RORA: variants seen among roughly 807,000 people sequenced by gnomAD.
The protein encoded by RORA is nuclear receptor ROR-alpha.
In RORA, 7 loss-of-function variants were observed where a neutral mutation model predicts 69.5. The ratio of observed to expected loss-of-function variants is 0.10; its 90% CI spans 0.06 to 0.19. RORA has a LOEUF of 0.19. RORA is among the 10% of genes least tolerant of loss of function. RORA has a pLI of 1.00. For synonymous variants in RORA, 261 were observed against 240.8 expected (o/e 1.08, Z -0.78); for missense variants, 457 against 663.0 (o/e 0.69, Z 3.41).
At chr15:61,145,379 G>A (rs1225477728) in intron 1 of RORA, among the ~76,000 whole-genome samples, 2 of 152,184 alleles carry the variant, frequency 1.3e-5, no homozygotes, top group Non-Finnish European at 2.9e-5. Flanking sequence ...AATGCACACA[G>A]GTTAAGTATC....
chr15:60,686,194 A>T (rs2070745487), intron 1 of RORA, among the ~76,000 whole-genome samples: 1 of 152,200 alleles, frequency 6.6e-6, no homozygotes, highest in South Asian at 2.1e-4. Context: ...TATCTTTAAC[A>T]AAACAGTTCC....
chr15:60,869,281 G>A (rs1415396044), intron 1 of RORA, among the ~76,000 whole-genome samples: 1 of 152,074 alleles, frequency 6.6e-6, no homozygotes, highest in Non-Finnish European at 1.5e-5. Flanking sequence ...GAGATATAGA[G>A]GGCACAGGCT....
chr15:61,101,746 G>A (rs182074358), intron 1 of RORA, among the ~76,000 whole-genome samples: 1 of 152,222 alleles, frequency 6.6e-6, no homozygotes, highest in East Asian at 1.9e-4. Flanking sequence ...TCCCTGCTGT[G>A]TGTGGTGGAG....
At chr15:60,500,916 A>G (rs1371934807) in intron 9 of RORA, 43 bp downstream of exon 9, 2 of 1,136,032 alleles carry the variant, frequency 1.8e-6, no homozygotes, top group Non-Finnish European at 2.6e-6. Context: ...TCTTTATCTT[A>G]GACAATTCGA....
intron 1 of RORA, among the ~76,000 whole-genome samples, chr15:61,008,413 C>T (rs1236292297): frequency 2.0e-5 from 3 of 152,064 alleles, no homozygotes; most frequent in Admixed American, 1.3e-4. Flanking sequence ...ACCCACAAGC[C>T]AGGTATATCA....
chr15:61,207,087 T>TAC (rs1395708584), intron 1 of RORA, among the ~76,000 whole-genome samples: 5 of 152,002 alleles, frequency 3.3e-5, no homozygotes, highest in Admixed American at 2.6e-4. Flanking sequence ...TGTGTGTATA[T>TAC]ATATATATGT....
intron 1 of RORA, among the ~76,000 whole-genome samples, chr15:61,067,826 G>C (rs1039446376): frequency 4.6e-5 from 7 of 152,306 alleles, no homozygotes; most frequent in African/African-American, 1.4e-4. Context: ...CTACATAAAA[G>C]ATACTAAATG....
At chr15:60,541,089 T>C (rs1217577518) in intron 2 of RORA, among the ~76,000 whole-genome samples, 1 of 152,190 alleles carries the variant, frequency 6.6e-6, no homozygotes, top group African/African-American at 2.4e-5. Context: ...CGGTTTTTAT[T>C]AAAAATCACA....
At chr15:60,776,799 T>C (rs890850503) in intron 1 of RORA, among the ~76,000 whole-genome samples, 2 of 152,208 alleles carry the variant, frequency 1.3e-5, no homozygotes, top group Admixed American at 6.5e-5. Flanking sequence ...TTTGGATTTA[T>C]GCAGTCCTAT....
At chr15:60,998,286 CCT>C (rs1195508587) in intron 1 of RORA, among the ~76,000 whole-genome samples, 1 of 152,102 alleles carries the variant, frequency 6.6e-6, no homozygotes, top group Non-Finnish European at 1.5e-5. Flanking sequence ...ACCTTAGCCC[CCT>C]GAGTAGCTGC....
chr15:61,106,706 T>G (rs906933872), intron 1 of RORA, among the ~76,000 whole-genome samples: 1 of 152,266 alleles, frequency 6.6e-6, no homozygotes. Context: ...CAGTCATCTC[T>G]ACTTGCATAA....
At chr15:60,809,341 T>TG (rs1289699282) in intron 1 of RORA, among the ~76,000 whole-genome samples, 1 of 152,202 alleles carries the variant, frequency 6.6e-6, no homozygotes, top group Non-Finnish European at 1.5e-5. Context: ...ATCCCAATTC[T>TG]GTGTTTTTCA....
At chr15:60,518,317 A>G (rs538971131) in intron 3 of RORA, among the ~76,000 whole-genome samples, 68 of 152,380 alleles carry the variant, frequency 4.5e-4, no homozygotes, top group African/African-American at 1.6e-3. Context: ...CAAGACTGTT[A>G]ACATAGAAGC....
At chr15:60,899,174 T>G (rs921030507) in intron 1 of RORA, among the ~76,000 whole-genome samples, 4 of 152,216 alleles carry the variant, frequency 2.6e-5, no homozygotes, top group African/African-American at 9.6e-5. Context: ...CATGTCATTT[T>G]CCAACTTCAT....
intron 1 of RORA, among the ~76,000 whole-genome samples, chr15:61,018,947 C>T (rs536434768): frequency 3.9e-5 from 6 of 152,288 alleles, no homozygotes; most frequent in East Asian, 3.9e-4. Flanking sequence ...TCTAGACCTA[C>T]GTATCCAGGC....
At chr15:61,059,599 A>G (rs2078142639) in intron 1 of RORA, among the ~76,000 whole-genome samples, 1 of 152,140 alleles carries the variant, frequency 6.6e-6, no homozygotes, top group Non-Finnish European at 1.5e-5. Context: ...TGCCATTTCT[A>G]TCAACAGAAT....
intron 1 of RORA, among the ~76,000 whole-genome samples, chr15:60,793,208 G>GAAT (rs1438867777): frequency 2.6e-5 from 4 of 152,158 alleles, no homozygotes; most frequent in Non-Finnish European, 4.4e-5. Context: ...AGACTAAACT[G>GAAT]GTGCAGTATG....
intron 1 of RORA, among the ~76,000 whole-genome samples, chr15:60,708,972 C>T (rs952088319): frequency 7.2e-5 from 11 of 152,136 alleles, no homozygotes; most frequent in African/African-American, 2.4e-4. Flanking sequence ...GTAGTGCCTG[C>T]ATAGCTAGCA....
intron 1 of RORA, chr15:61,039,275 G>C (rs1425422937): frequency 6.6e-6 from 1 of 152,184 alleles, no homozygotes; most frequent in African/African-American, 2.4e-5. Flanking sequence ...TAAAATTTGA[G>C]GGGAAAAATC....
Sources: gnomAD v4.1 joint callset for allele counts (sites outside exome capture counted in the v4.1 genomes callset) on GRCh38, gnomAD v4.1.1 for gene constraint, MANE v1.5 for transcripts, NCBI Gene and HGNC (gene_info 2026-07-23, HGNC 2026-07-21) for gene names.